The following PEX13 variants were observed in gnomAD, a reference collection of about 807,000 sequenced individuals.
The protein encoded by PEX13 is peroxisomal biogenesis factor 13.
Under a neutral mutation model 34.5 loss-of-function variants are expected in PEX13, and 28 were observed. The observed-to-expected ratio is 0.81, with a 90% CI of 0.60 to 1.11. PEX13 has a LOEUF of 1.11. PEX13 is among the 50% of genes most tolerant of loss of function. The probability of loss-of-function intolerance (pLI) is 0.00; values close to 1 mark genes in which losing one functional copy is unlikely to be tolerated. For missense variants in PEX13, 550 were observed against 491.0 expected (o/e 1.12, Z -1.13); for synonymous variants, 177 against 175.1 (o/e 1.01, Z -0.09).
In PEX13 at chr2:61,049,095, A is replaced by G. The variant is rs1680755935; in HGVS notation, c.*325A>G. On this transcript the variant is annotated 3_prime_UTR_variant, in exon 4 of 4. Transcript: ENST00000295030. ...TGAACTATAGCATGCACAGTTTGGT[A>G]CAGTAGAGATCATTAATACTTTTAA... 3.4e-6 allele frequency: 1 copy of G among 297,438 alleles called. No homozygotes were observed. The highest frequency in any genetic ancestry group is 8.1e-5 in the East Asian group (1 of 12,346). The allele number at this position is 297,438 out of a possible 1,614,324, so 18.4% of individuals were successfully genotyped here.
At chr2:61,030,869 G>A (rs1422156222) in intron 1 of PEX13, among the ~76,000 whole-genome samples, 2 of 152,220 alleles carry the variant, frequency 1.3e-5, no homozygotes, top group East Asian at 3.9e-4. Context: ...GGAGGGGTGG[G>A]CAGGAAATGG....
chr2:61,034,854 AC>A (rs577488582), intron 2 of PEX13, among the ~76,000 whole-genome samples: 136 of 152,354 alleles, frequency 8.9e-4, no homozygotes, highest in Non-Finnish European at 1.7e-3. Context: ...CTCAGCAAGG[AC>A]TATTGCCTCT....
At chr2:61,032,547 T>G (rs565706433) in intron 2 of PEX13, among the ~76,000 whole-genome samples, 1 of 152,340 alleles carries the variant, frequency 6.6e-6, no homozygotes, top group Admixed American at 6.5e-5. Context: ...TTATCTCATT[T>G]AATTATTTCA....
chr2:61,029,999 GCTATA>G (rs1400880236), intron 1 of PEX13, among the ~76,000 whole-genome samples: 2 of 152,090 alleles, frequency 1.3e-5, no homozygotes, highest in African/African-American at 4.8e-5. Context: ...ATATGCAAAT[GCTATA>G]CTATTTTATA....
chr2:61,026,344 C>CTT (rs71402320), intron 1 of PEX13, among the ~76,000 whole-genome samples: 2,891 of 121,178 alleles, frequency 0.024, 123 homozygotes, highest in African/African-American at 0.077. Flanking sequence ...TTTCTTTTTT[C>CTT]TTTTTTTTTT....
At chr2:61,031,172 T>C (rs1374299498) in intron 1 of PEX13, among the ~76,000 whole-genome samples, 1 of 152,090 alleles carries the variant, frequency 6.6e-6, no homozygotes, top group African/African-American at 2.4e-5. Context: ...GCACCTGTAG[T>C]CCCAACTGCT....
intron 1 of PEX13, among the ~76,000 whole-genome samples, chr2:61,027,886 A>G (rs1229147989): frequency 6.6e-6 from 1 of 152,198 alleles, no homozygotes; most frequent in African/African-American, 2.4e-5. Flanking sequence ...CCATTTTTAA[A>G]TATCAGATCC....
chr2:61,018,141 C>T, intron 1 of PEX13: 3 of 1,550,160 alleles, frequency 1.9e-6, no homozygotes, highest in South Asian at 1.2e-5. Flanking sequence ...CTACCTACCG[C>T]TTCTGTTTTC....
At chr2:61,029,405 A>G (rs191474222) in intron 1 of PEX13, among the ~76,000 whole-genome samples, 4 of 152,314 alleles carry the variant, frequency 2.6e-5, no homozygotes. Flanking sequence ...AAAATGGTAC[A>G]GTTGCTTTGG....
At chr2:61,031,298 A>G (rs1680444925) in intron 1 of PEX13, 121 bp from the exon 2 acceptor site, 2 of 777,074 alleles carry the variant, frequency 2.6e-6, no homozygotes, top group Non-Finnish European at 4.4e-6. Flanking sequence ...TCTCTAAATC[A>G]ATTAATCAGT....
chr2:61,041,314 GC>G lies in PEX13; in HGVS notation c.788-4411del, dbSNP rs965930934. Among the ~76,000 whole-genome samples the G allele has an allele frequency of 2.0e-5, 3 of 152,072 alleles. 1 individual carries two copies. Among genetic ancestry groups the G allele is most frequent in the African/African-American group, 7.2e-5 (3 of 41,392 alleles). On this transcript the variant is annotated intron_variant, in intron 2 of 3. Transcript: ENST00000295030. ...ACTGTACTCCAGTTTGGGTGACACA[GC>G]AAGACCCCGTCTCAAAATAAATAAA...
chr2:61,045,651 G>C, intron 2 of PEX13, 75 bp from the exon 3 acceptor site: 1 of 1,355,956 alleles, frequency 7.4e-7, no homozygotes, highest in Non-Finnish European at 1.1e-6. Flanking sequence ...TATGCAGTTT[G>C]CAAGCCATAG....
At chr2:61,027,452 A>T (rs890283949) in intron 1 of PEX13, among the ~76,000 whole-genome samples, 5 of 152,146 alleles carry the variant, frequency 3.3e-5, no homozygotes, top group Admixed American at 6.5e-5. Flanking sequence ...GCCTTATCAC[A>T]GTCCTCTCCC....
chr2:61,038,210 A>G lies in PEX13; in HGVS notation c.787+6097A>G, dbSNP rs547324222. On this transcript the variant is annotated intron_variant, in intron 2 of 3. Transcript: ENST00000295030. ...AGCTGGTATCATTCCTTCTGAAACT[A>G]TTCCAATTAATAGAAAAAGAGGGAA... Among the ~76,000 whole-genome samples, 112 of 152,362 alleles carry G rather than the reference A, an allele frequency of 7.4e-4. 1 individual carries two copies. In the South Asian group the frequency reaches 0.023, roughly 31 times the overall value.
intron 2 of PEX13, 44 bp downstream of exon 2, chr2:61,032,157 T>A (rs1680463739): frequency 7.8e-7 from 1 of 1,282,726 alleles, no homozygotes; most frequent in Non-Finnish European, 1.1e-6. Flanking sequence ...CATATAACAA[T>A]CTCAAATTTC....
At chr2:61,039,944 C>G (rs1416255992) in intron 2 of PEX13, among the ~76,000 whole-genome samples, 1 of 152,178 alleles carries the variant, frequency 6.6e-6, no homozygotes, top group South Asian at 2.1e-4. Flanking sequence ...TGAACAGATA[C>G]TTCTCAAAAG....
chr2:61,050,778 C>G lies in PEX13; in HGVS notation c.*2008C>G, dbSNP rs949423795. 1.3e-5 allele frequency: 2 copies of G among 152,314 alleles called. No individual in the cohort carries two copies. The highest frequency in any genetic ancestry group is 1.3e-4 in the Admixed American group (2 of 15,288). The allele number at this position is 152,314 out of a possible 1,614,324, so 9.4% of individuals were successfully genotyped here. On this transcript the variant is annotated 3_prime_UTR_variant, in exon 4 of 4. Transcript: ENST00000295030. Reference sequence around the variant, plus strand: ...GGGACTACAGGCGCCTGCCACCAGGCCCGGCTAATTTTTTTTGTATTTTTA... The same window carrying G: ...GGGACTACAGGCGCCTGCCACCAGGGCCGGCTAATTTTTTTTGTATTTTTA...
In PEX13 at chr2:61,031,565, C is replaced by T; in HGVS notation, c.239C>T (p.Ser80Phe). 1.2e-6 allele frequency: 2 copies of T among 1,614,146 alleles called. No homozygotes were observed. The highest frequency in any genetic ancestry group is 1.7e-6 in the Non-Finnish European group (2 of 1,180,020). Residue 80 changes from serine to phenylalanine, a missense_variant, in exon 2 of 4, where the codon TCT becomes TTT. Physicochemically the swap from Ser to Phe is radical, Grantham distance 155 (BLOSUM62 -2). Coordinates refer to ENST00000295030, the MANE Select transcript of PEX13 (RefSeq NM_002618.4). The part of the protein sequence containing the change: ...TFRPAYSSFS[S>F]GYGAYGNSFY... ...AGACCTGCTTACAGTTCATTTTCTT[C>T]TGGATATGGTGCCTATGGAAATTCA...
rs1171979724 is a variant in PEX13, at chr2:61,017,770, A to C, written c.11A>C (p.Gln4Pro). 1.5e-5 allele frequency: 23 copies of C among 1,549,384 alleles called. No homozygotes were observed. Among genetic ancestry groups the C allele is most frequent in the Middle Eastern group, 1.8e-4 (1 of 5,662 alleles). ...GAGGAGGCGGAGGAGATGGCGTCCC[A>C]GCCGCCACCTCCCCCCAAACCCTGG... is the stretch of plus-strand genomic sequence containing the variant. MASQPPPPPKPWET... is the reference protein window; with the variant it reads MASPPPPPPKPWET... The change falls in exon 1 of 4, where the codon CAG becomes CCG. Residue 4 changes from glutamine to proline, a missense_variant. Coordinates refer to ENST00000295030, the MANE Select transcript of PEX13 (RefSeq NM_002618.4).
Sources: allele counts gnomAD v4.1 joint callset (sites outside exome capture counted in the v4.1 genomes callset), GRCh38; gene constraint gnomAD v4.1.1; transcripts MANE v1.5; gene names NCBI Gene and HGNC (gene_info 2026-07-23, HGNC 2026-07-21).